SDC4: variants seen among roughly 807,000 people sequenced by gnomAD.
SDC4 encodes syndecan-4.
In SDC4, 17 loss-of-function variants were observed where a neutral mutation model predicts 20.5. The observed-to-expected ratio is 0.83, with a 90% CI of 0.57 to 1.25. The LOEUF (loss-of-function observed/expected upper bound fraction) is 1.25. Ranked by LOEUF, SDC4 falls within the 50% of genes most tolerant of loss-of-function variation. SDC4 has a pLI of 0.00. For missense variants in SDC4, 241 were observed against 252.3 expected (o/e 0.96, Z 0.30); for synonymous variants, 107 against 105.3 (o/e 1.02, Z -0.10).
chr20:45,343,864 C>T (rs986389044), intron 1 of SDC4, among the ~76,000 whole-genome samples: 3 of 152,212 alleles, frequency 2.0e-5, no homozygotes, highest in African/African-American at 4.8e-5. Flanking sequence ...CTCCTTTAAG[C>T]TTCGCCACAC....
At chr20:45,338,461 G>T (rs1987906446) in intron 1 of SDC4, among the ~76,000 whole-genome samples, 1 of 152,178 alleles carries the variant, frequency 6.6e-6, no homozygotes. Flanking sequence ...GTTCCATCAG[G>T]AGACTTGTCT....
intron 1 of SDC4, among the ~76,000 whole-genome samples, chr20:45,342,813 C>T (rs1417615577): frequency 6.6e-6 from 1 of 152,094 alleles, no homozygotes; most frequent in African/African-American, 2.4e-5. Context: ...AGGTCTAAAC[C>T]CCAATAACTG....
intron 1 of SDC4, chr20:45,345,535 TC>T (rs1219110412): frequency 6.6e-6 from 1 of 152,130 alleles, no homozygotes; most frequent in African/African-American, 2.4e-5. Context: ...CACTCAAGGG[TC>T]CTAGAAGCCC....
intron 3 of SDC4, 34 bp from the exon 4 acceptor site, chr20:45,330,598 G>GT: frequency 1.3e-6 from 2 of 1,594,894 alleles, no homozygotes; most frequent in Non-Finnish European, 1.7e-6. Context: ...GACACTCAGC[G>GT]TATTTTGGAA....
chr20:45,330,626 A>G, intron 3 of SDC4, 62 bp from the exon 4 acceptor site: 1 of 1,422,794 alleles, frequency 7.0e-7, no homozygotes, highest in Non-Finnish European at 9.8e-7. Context: ...AGGGCAGGGG[A>G]CAGGGACATT....
intron 2 of SDC4, among the ~76,000 whole-genome samples, chr20:45,333,276 G>A (rs1337601242): frequency 1.3e-5 from 2 of 152,220 alleles, no homozygotes; most frequent in Non-Finnish European, 1.5e-5. Context: ...AGGAATGTGT[G>A]AGCTGGCAGC....
In SDC4 at chr20:45,348,408, C is replaced by T; in HGVS notation, c.-24G>A. Reference sequence around the variant, plus strand: ...ATGGCACCGCGGACTGGAGAAGGCGCGCAGGCTGCGGCGAGTGGCCCCGGG... The same window carrying T: ...ATGGCACCGCGGACTGGAGAAGGCGTGCAGGCTGCGGCGAGTGGCCCCGGG... On this transcript the variant is annotated 5_prime_UTR_variant, in exon 1 of 5. Coordinates refer to ENST00000372733, the MANE Select transcript of SDC4 (RefSeq NM_002999.4). The T allele has an allele frequency of 6.5e-7, 1 of 1,534,880 alleles. No individual in the cohort carries two copies. The highest frequency in any genetic ancestry group is 8.7e-7 in the Non-Finnish European group (1 of 1,143,890).
chr20:45,342,148 G>A (rs1987961497), intron 1 of SDC4, among the ~76,000 whole-genome samples: 1 of 152,078 alleles, frequency 6.6e-6, no homozygotes, highest in South Asian at 2.1e-4. Context: ...CTCTCGGGAT[G>A]TAAACAAACC....
chr20:45,331,446 G>A (rs1202651052), intron 3 of SDC4, among the ~76,000 whole-genome samples: 1 of 152,156 alleles, frequency 6.6e-6, no homozygotes, highest in African/African-American at 2.4e-5. Context: ...TTGAACCAGA[G>A]TGCCTACATC....
intron 1 of SDC4, among the ~76,000 whole-genome samples, chr20:45,338,806 C>A (rs902708439): frequency 6.6e-6 from 1 of 152,174 alleles, no homozygotes; most frequent in Non-Finnish European, 1.5e-5. Flanking sequence ...AGAAACTAGT[C>A]TAGTCTGAAG....
chr20:45,337,844 A>T (rs1987896290), intron 1 of SDC4, among the ~76,000 whole-genome samples: 1 of 152,100 alleles, frequency 6.6e-6, no homozygotes, highest in African/African-American at 2.4e-5. Context: ...TCTCCCGGGG[A>T]GTGGGGAGAA....
Position 45,327,073 on chromosome 20 carries a change from G to T in SDC4, c.*191C>A. On this transcript the variant is annotated 3_prime_UTR_variant, in exon 5 of 5. Coordinates refer to ENST00000372733, the MANE Select transcript of SDC4 (RefSeq NM_002999.4). ...CCATTTTTCTGCCAGGGCAACTGAG[G>T]CCCAAAGCTCAAGAAGAACCTGGCA... 2 of 564,252 alleles carry T rather than the reference G, an allele frequency of 3.5e-6. No homozygotes were observed. Among genetic ancestry groups the T allele is most frequent in the Non-Finnish European group, 6.0e-6 (2 of 335,072 alleles). The allele number at this position is 564,252 out of a possible 1,614,324, so 35.0% of individuals were successfully genotyped here. A position where few individuals can be genotyped will look rare whatever the true frequency, so the allele number is the denominator to read the frequency against.
At chr20:45,336,369 C>T (rs1018824737) in intron 1 of SDC4, among the ~76,000 whole-genome samples, 2 of 152,168 alleles carry the variant, frequency 1.3e-5, no homozygotes, top group African/African-American at 2.4e-5. Context: ...GCCAGGATCA[C>T]GCCGTTGCAC....
At chr20:45,333,280 T>A (rs1987806984) in intron 2 of SDC4, among the ~76,000 whole-genome samples, 1 of 152,268 alleles carries the variant, frequency 6.6e-6, no homozygotes, top group Non-Finnish European at 1.5e-5. Flanking sequence ...ATGTGTGAGC[T>A]GGCAGCTGGG....
intron 1 of SDC4, among the ~76,000 whole-genome samples, chr20:45,338,838 C>T (rs748717370): frequency 1.3e-5 from 2 of 152,212 alleles, no homozygotes; most frequent in Non-Finnish European, 2.9e-5. Flanking sequence ...CTCCGCGGCA[C>T]GGCCTGGATT....
intron 1 of SDC4, among the ~76,000 whole-genome samples, chr20:45,344,297 G>GA (rs2145717812): frequency 9.6e-6 from 1 of 103,696 alleles, no homozygotes; most frequent in South Asian, 4.2e-4. Flanking sequence ...ATGTCCCCTC[G>GA]AGCCCCGGAC....
chr20:45,348,224 AC>A, intron 1 of SDC4, 100 bp downstream of exon 1: 1 of 862,378 alleles, frequency 1.2e-6, no homozygotes, highest in Non-Finnish European at 1.8e-6. Context: ...GGGGTAGCGT[AC>A]CCCCGATCTG....
intron 1 of SDC4, among the ~76,000 whole-genome samples, chr20:45,347,574 T>A (rs183744496): frequency 2.4e-4 from 36 of 152,272 alleles, no homozygotes; most frequent in African/African-American, 7.7e-4. Flanking sequence ...AATTTTCTTA[T>A]CTGCAATTGA....
chr20:45,332,920 A>T, intron 3 of SDC4, 103 bp downstream of exon 3: 1 of 1,104,240 alleles, frequency 9.1e-7, no homozygotes, highest in Non-Finnish European at 1.4e-6. Context: ...GTGGGGTAAG[A>T]CCCCTCACTT....
Sources: gnomAD v4.1 joint callset for allele counts (sites outside exome capture counted in the v4.1 genomes callset) on GRCh38, gnomAD v4.1.1 for gene constraint, MANE v1.5 for transcripts, NCBI Gene and HGNC (gene_info 2026-07-23, HGNC 2026-07-21) for gene names.